The following TMEM205 variants were observed in gnomAD, a reference collection of about 807,000 sequenced individuals.
TMEM205 encodes MBC3205.
A neutral mutation model predicts 17.9 loss-of-function variants in TMEM205; 11 were observed. That is an observed-to-expected ratio of 0.61 (90% confidence interval 0.39 to 1.02). The LOEUF (loss-of-function observed/expected upper bound fraction) is 1.02, where lower values mean the gene tolerates loss of function less well. Ranked by LOEUF, TMEM205 falls within the 50% of genes least tolerant of loss-of-function variation. The pLI is 0.01. For synonymous variants in TMEM205, 86 were observed against 97.4 expected, an observed-to-expected ratio of 0.88 and a Z score of 0.69; for missense variants, 236 against 239.4, an observed-to-expected ratio of 0.99 and a Z score of 0.09.
chr19:11,345,865 T>C lies in TMEM205; in HGVS notation c.-246A>G. 5 of 656,290 alleles carry C rather than the reference T, an allele frequency of 7.6e-6. No individual in the cohort carries two copies. The South Asian group carries it at 1.0e-4, about 14-fold the overall frequency. The allele number at this position is 656,290 out of a possible 1,614,324, so 40.7% of individuals were successfully genotyped here. On this transcript the variant is annotated 5_prime_UTR_variant, in exon 1 of 3. The change abolishes an upstream ATG in the 5' untranslated region. Coordinates refer to ENST00000354882, the MANE Select transcript of TMEM205 (RefSeq NM_198536.3). ...CAGGCTCTCTGGACCTCAATCTCCA[T>C]GCCACTTCAGAGGCCCCAAATTTCA...
chr19:11,346,476 C>G, upstream of TMEM205: 2 of 1,133,546 alleles, frequency 1.8e-6, no homozygotes, highest in East Asian at 2.6e-5. Flanking sequence ...TTCGGCTACT[C>G]CGGCAGGGGC....
chr19:11,344,363 G>GA (rs927179267), intron 2 of TMEM205, among the ~76,000 whole-genome samples: 31 of 149,120 alleles, frequency 2.1e-4, no homozygotes, highest in Middle Eastern at 3.4e-3. Context: ...TAAATAAAAG[G>GA]AAAAAAAAAC....
rs763956064 is a variant in TMEM205, at chr19:11,345,429, G to A, written c.101-14C>T. 1 of 1,614,052 alleles carries A rather than the reference G, an allele frequency of 6.2e-7. No individual in the cohort carries two copies. Among genetic ancestry groups the A allele is most frequent in the Non-Finnish European group, 8.5e-7 (1 of 1,179,976 alleles). ...AAAGCAGGAAGCCTGCAGGGTATGG[G>A]GACCACAGGGGTGTTAGGGCACTTC... On this transcript the variant is annotated splice_polypyrimidine_tract_variant and intron_variant, in intron 1 of 2. Coordinates refer to ENST00000354882, the MANE Select transcript of TMEM205 (RefSeq NM_198536.3).
At position 11,345,770 on chromosome 19, in the gene TMEM205, A is replaced by G. The variant is rs113510258; in HGVS notation, c.-151T>C. 7.0e-7 allele frequency: 1 copy of G among 1,425,660 alleles called. No individual in the cohort carries two copies. The highest frequency in any genetic ancestry group is 9.2e-7 in the Non-Finnish European group (1 of 1,085,196). 88.3% of individuals were successfully genotyped at this position (1,425,660 alleles called of 1,614,324 possible). ...AGCATCCCGGGAATGAGAGTGAGAA[A>G]GGCCCAAAGCAGTCAAGGCCCAAAG... On this transcript the variant is annotated 5_prime_UTR_variant, in exon 1 of 3. Transcript: ENST00000354882.
intron 2 of TMEM205, 54 bp downstream of exon 2, chr19:11,345,198 A>G: frequency 6.3e-7 from 1 of 1,593,944 alleles, no homozygotes; most frequent in Non-Finnish European, 8.6e-7. Flanking sequence ...ATAGGCGCTG[A>G]CTGAGGTCCT....
In TMEM205 at chr19:11,342,797, T is replaced by C; in HGVS notation, c.*18A>G. ...CAGCCATTTCTGAAGAAGCATTTAT[T>C]AGCATGCAGGGCCCATGCTAGAGGC... On this transcript the variant is annotated 3_prime_UTR_variant, in exon 3 of 3. Transcript: ENST00000354882. 2.5e-6 allele frequency: 4 copies of C among 1,586,644 alleles called. No homozygotes were observed. Among genetic ancestry groups the C allele is most frequent in the Non-Finnish European group, 3.4e-6 (4 of 1,167,046 alleles).
rs762945836 is a variant in TMEM205, at chr19:11,345,336, G to A, written c.180C>T (p.Ile60=). Residue 60 remains isoleucine (I), a synonymous_variant, in exon 2 of 3, where the codon ATC becomes ATT. Coordinates refer to ENST00000354882, the MANE Select transcript of TMEM205 (RefSeq NM_198536.3). ...QSKLFPFYFH[I]SMGCAFINLC... ...GGTTGATGAAGGCACAGCCCATGGA[G>A]ATGTGGAAGTAGAAGGGGAAGAGTT... 1.2e-6 allele frequency: 2 copies of A among 1,614,242 alleles called. No individual in the cohort carries two copies. Among genetic ancestry groups the A allele is most frequent in the South Asian group, 2.2e-5 (2 of 91,088 alleles).
intron 2 of TMEM205, 95 bp from the exon 3 acceptor site, chr19:11,343,215 G>A: frequency 8.0e-7 from 1 of 1,245,698 alleles, no homozygotes; most frequent in Non-Finnish European, 1.1e-6. Flanking sequence ...CACAGGGGTG[G>A]GGGTGGGGAC....
At position 11,345,626 on chromosome 19, in the gene TMEM205, G is replaced by A; in HGVS notation, c.-7C>T. ...GGTTCCCGCCTTCCTCCATCTTGCA[G>A]TCCTGGGAAGGAGGCACCGGGTGGC... On this transcript the variant is annotated 5_prime_UTR_variant, in exon 1 of 3. Coordinates refer to ENST00000354882, the MANE Select transcript of TMEM205 (RefSeq NM_198536.3). 1 of 1,613,800 alleles carries A rather than the reference G, an allele frequency of 6.2e-7. No homozygotes were observed. The highest frequency in any genetic ancestry group is 1.7e-5 in the Admixed American group (1 of 59,984).
chr19:11,343,103 C>G lies in TMEM205; in HGVS notation c.282G>C (p.Leu94=). 1 of 1,611,028 alleles carries G rather than the reference C, an allele frequency of 6.2e-7. No homozygotes were observed. Among genetic ancestry groups the G allele is most frequent in the East Asian group, 2.2e-5 (1 of 44,802 alleles). The part of the protein sequence containing the change: ...WEASQLYLLF[L]SLTLATVNAR... ...CGTTGACAGTGGCCAGCGTAAGGCT[C>G]AGGAACAGCAGGTAAAGCTGGCAGG... The change falls in exon 3 of 3, where the codon CTG becomes CTC. Residue 94 remains leucine, a synonymous_variant. Transcript: ENST00000354882.
upstream of TMEM205, chr19:11,346,328 C>G: frequency 1.9e-6 from 1 of 534,926 alleles, no homozygotes; most frequent in Non-Finnish European, 3.3e-6. Flanking sequence ...GGTCGTAGAT[C>G]TGCACCTTTC....
intron 2 of TMEM205, chr19:11,344,627 C>G (rs1295206295): frequency 1.3e-5 from 2 of 152,302 alleles, no homozygotes; most frequent in Non-Finnish European, 2.9e-5. Flanking sequence ...TGTGCCAGCT[C>G]AGCTGAGTCA....
chr19:11,346,259 CG>C lies in TMEM205; in HGVS notation c.-641del, dbSNP rs1967225794. On this transcript the variant is annotated 5_prime_UTR_variant, in exon 1 of 3. Coordinates refer to ENST00000354882, the MANE Select transcript of TMEM205 (RefSeq NM_198536.3). ...GCGACCCTCCTCGGCCGCGTCCCCT[CG>C]TGGGTTTCCCCCAACCAATAATTCG... 7.9e-6 allele frequency: 3 copies of C among 378,732 alleles called. No individual in the cohort carries two copies. 23.5% of individuals were successfully genotyped at this position (378,732 alleles called of 1,614,324 possible). A position where few individuals can be genotyped will look rare whatever the true frequency, so the allele number is the denominator to read the frequency against.
upstream of TMEM205, chr19:11,346,273 A>G (rs1464160761): frequency 7.4e-6 from 3 of 406,662 alleles, no homozygotes; most frequent in Non-Finnish European, 8.8e-6. Context: ...GGTTTCCCCC[A>G]ACCAATAATT....
At chr19:11,343,445 C>T (rs1053657299) in intron 2 of TMEM205, among the ~76,000 whole-genome samples, 7 of 152,200 alleles carry the variant, frequency 4.6e-5, no homozygotes, top group African/African-American at 1.7e-4. Flanking sequence ...TGGCCACAGC[C>T]CAGACGCCTG....
At position 11,345,141 on chromosome 19, in the gene TMEM205, C is replaced by A. The variant is rs1020163090; in HGVS notation, c.264+111G>T. On this transcript the variant is annotated intron_variant, in intron 2 of 2. Transcript: ENST00000354882. ...AAAGTGTTGGGATTACAGGCGTGAG[C>A]CACCATGCCTAGCCTTTTTTTTTCC... The A allele has an allele frequency of 3.3e-6, 4 of 1,212,928 alleles. No individual in the cohort carries two copies. In the African/African-American group the frequency reaches 4.6e-5, roughly 14 times the overall value. The allele number at this position is 1,212,928 out of a possible 1,614,324, so 75.1% of individuals were successfully genotyped here. A position where few individuals can be genotyped will look rare whatever the true frequency, so the allele number is the denominator to read the frequency against.
intron 2 of TMEM205, among the ~76,000 whole-genome samples, chr19:11,344,223 A>G (rs558050615): frequency 1.4e-4 from 21 of 152,178 alleles, no homozygotes; most frequent in Admixed American, 2.6e-4. Context: ...GATTACAGGC[A>G]TGAGCCACTG....
At position 11,343,106 on chromosome 19, in the gene TMEM205, G is replaced by A; in HGVS notation, c.279C>T (p.Phe93=). ...FWEASQLYLL[F]LSLTLATVNA... is the part of the protein sequence containing the mutation. The stretch of plus-strand genomic sequence containing the variant: ...TGACAGTGGCCAGCGTAAGGCTCAG[G>A]AACAGCAGGTAAAGCTGGCAGGGAG... Residue 93 remains phenylalanine, a synonymous_variant, in exon 3 of 3, where the codon TTC becomes TTT. Transcript: ENST00000354882. 2 of 1,611,032 alleles carry A rather than the reference G, an allele frequency of 1.2e-6. No homozygotes were observed. Among genetic ancestry groups the A allele is most frequent in the South Asian group, 1.1e-5 (1 of 90,974 alleles).
rs1006451546 is a variant in TMEM205, at chr19:11,345,705, G to A, written c.-86C>T. On this transcript the variant is annotated 5_prime_UTR_variant, in exon 1 of 3. Coordinates refer to ENST00000354882, the MANE Select transcript of TMEM205 (RefSeq NM_198536.3). ...GCCTTCAGACCCTGTGAGCCCGCTC[G>A]GGGACAGGGTTACGGCCAATCCAGC... 29 of 1,566,336 alleles carry A rather than the reference G, an allele frequency of 1.9e-5. No homozygotes were observed. The Middle Eastern group carries it at 1.2e-3, about 64-fold the overall frequency.
Sources: allele counts gnomAD v4.1 joint callset (sites outside exome capture counted in the v4.1 genomes callset), GRCh38; gene constraint gnomAD v4.1.1; transcripts MANE v1.5; gene names NCBI Gene and HGNC (gene_info 2026-07-23, HGNC 2026-07-21).